The following CCNH variants were observed in gnomAD, a reference collection of about 807,000 sequenced individuals.
CCNH encodes cyclin-H.
A neutral mutation model predicts 41.9 loss-of-function variants in CCNH; 31 were observed. The observed-to-expected ratio is 0.74, with a 90% CI of 0.56 to 1.00. The LOEUF (loss-of-function observed/expected upper bound fraction) is 1.00. Among genes scored for constraint, CCNH ranks in the 50% least tolerant of loss-of-function variants. The pLI, the probability that CCNH is intolerant of heterozygous loss-of-function variation, is 0.00. For missense variants in CCNH, 362 were observed against 388.4 expected (o/e 0.93, Z 0.57); for synonymous variants, 138 against 136.1 (o/e 1.01, Z -0.10).
At chr5:87,362,834 G>T (rs1760215462) in intron 9 of CCNH, among the ~76,000 whole-genome samples, 1 of 151,302 alleles carries the variant, frequency 6.6e-6, no homozygotes, top group Non-Finnish European at 1.5e-5. Flanking sequence ...TAGAGTGTAG[G>T]TATATTAAAA....
intron 9 of CCNH, among the ~76,000 whole-genome samples, chr5:87,351,217 T>G (rs1759245936): frequency 2.6e-5 from 4 of 151,670 alleles, no homozygotes; most frequent in Admixed American, 2.6e-4. Context: ...AATAGCAAAT[T>G]TAATTCAGCA....
intron 9 of CCNH, among the ~76,000 whole-genome samples, chr5:87,365,019 T>G (rs556207971): frequency 6.6e-6 from 1 of 152,160 alleles, no homozygotes; most frequent in East Asian, 1.9e-4. Context: ...TAAATGTAGT[T>G]TATTATCGTG....
chr5:87,343,133 G>T (rs1165986283), intron 9 of CCNH, among the ~76,000 whole-genome samples: 2 of 152,078 alleles, frequency 1.3e-5, no homozygotes, highest in Non-Finnish European at 2.9e-5. Context: ...AGTGTCCTCA[G>T]TAACATCTAC....
chr5:87,318,834 C>T (rs926582323), exon 10 of CCNH: 2 of 152,212 alleles, frequency 1.3e-5, no homozygotes, highest in Non-Finnish European at 2.9e-5. Context: ...TTAACTCCTT[C>T]CAGCATTAAC....
intron 9 of CCNH, among the ~76,000 whole-genome samples, chr5:87,344,678 ATTTTTTTTT>A (rs113174684): frequency 7.6e-6 from 1 of 131,214 alleles, no homozygotes; most frequent in Non-Finnish European, 1.6e-5. Flanking sequence ...AAATGTTGTA[ATTTTTTTTT>A]TTTTTTTTTT....
Position 87,407,985 on chromosome 5 carries a change from G to A in CCNH, c.516C>T (p.Ile172=), listed in dbSNP as rs1208780187. 8.7e-6 allele frequency: 14 copies of A among 1,607,892 alleles called. No individual in the cohort carries two copies. Among genetic ancestry groups the A allele is most frequent in the Admixed American group, 3.3e-5 (2 of 59,976 alleles). ...NPYRPFEGFL[I]DLKTRYPILE... Reference sequence around the variant, plus strand: ...TTTACATCAAGTTTACCTTTAAGTCGATGAGGAAGCCCTCAAATGGTCTGT... The same window carrying A: ...TTTACATCAAGTTTACCTTTAAGTCAATGAGGAAGCCCTCAAATGGTCTGT... Residue 172 remains isoleucine (I), a synonymous_variant, in exon 4 of 9, where the codon ATC becomes ATT. Coordinates refer to ENST00000256897, the MANE Select transcript of CCNH (RefSeq NM_001239.4).
chr5:87,392,384 T>TA, downstream of CCNH: 1 of 455,116 alleles, frequency 2.2e-6, no homozygotes, highest in South Asian at 1.6e-5. Flanking sequence ...TTAACACTGA[T>TA]ACCAAAAATC....
chr5:87,336,459 T>G (rs865846232), intron 9 of CCNH, among the ~76,000 whole-genome samples: 1 of 152,136 alleles, frequency 6.6e-6, no homozygotes, highest in Non-Finnish European at 1.5e-5. Context: ...TTAAAAAGTT[T>G]ATACACACCT....
chr5:87,326,195 C>G (rs1275256234), intron 9 of CCNH, among the ~76,000 whole-genome samples: 1 of 152,162 alleles, frequency 6.6e-6, no homozygotes, highest in Non-Finnish European at 1.5e-5. Flanking sequence ...TGGTCATGAA[C>G]TCCTGGGTTC....
intron 9 of CCNH, among the ~76,000 whole-genome samples, chr5:87,324,949 A>AT (rs1018834243): frequency 1.3e-5 from 2 of 151,920 alleles, no homozygotes; most frequent in African/African-American, 2.4e-5. Flanking sequence ...TGCTTTTTTA[A>AT]TTTTTTTATT....
At chr5:87,401,844 T>C (rs2112562839) in intron 5 of CCNH, 72 bp from the exon 6 acceptor site, 2 of 922,962 alleles carry the variant, frequency 2.2e-6, no homozygotes, top group South Asian at 3.5e-5. Flanking sequence ...TCATAAATTA[T>C]TTTCCTCCAT....
At chr5:87,337,754 C>G (rs1018241373) in intron 9 of CCNH, among the ~76,000 whole-genome samples, 1 of 151,952 alleles carries the variant, frequency 6.6e-6, no homozygotes, top group Admixed American at 6.6e-5. Context: ...CTATCAAACC[C>G]ATTTTACTCA....
At chr5:87,317,844 C>T (rs1461200986), downstream of CCNH, among the ~76,000 whole-genome samples, 1 of 152,102 alleles carries the variant, frequency 6.6e-6, no homozygotes, top group African/African-American at 2.4e-5. Context: ...CCATGTTGCC[C>T]AGGCTGGTCT....
intron 7 of CCNH, among the ~76,000 whole-genome samples, chr5:87,396,233 A>G (rs1196516621): frequency 6.6e-6 from 1 of 152,216 alleles, no homozygotes; most frequent in Non-Finnish European, 1.5e-5. Flanking sequence ...GTATTAGGGC[A>G]TCTGTGGATT....
chr5:87,394,347 T>G lies in CCNH; in HGVS notation c.*99A>C. The G allele has an allele frequency of 5.4e-6, 8 of 1,478,898 alleles. No homozygotes were observed. The highest frequency in any genetic ancestry group is 7.2e-6 in the Non-Finnish European group (8 of 1,109,888). The allele number at this position is 1,478,898 out of a possible 1,614,324, so 91.6% of individuals were successfully genotyped here. On this transcript the variant is annotated 3_prime_UTR_variant, in exon 9 of 9. Transcript: ENST00000256897. ...AAAACAATAGAAAAGTTTTAATATA[T>G]TTTATGTTTTCACATTATACTTTTT...
chr5:87,322,499 C>CGGA (rs1244619036), intron 9 of CCNH, among the ~76,000 whole-genome samples: 2 of 152,118 alleles, frequency 1.3e-5, no homozygotes, highest in East Asian at 3.9e-4. Context: ...TCCCTGGTGC[C>CGGA]GGAGGTTGGG....
downstream of CCNH, chr5:87,394,109 C>CTT (rs1294649458): frequency 1.3e-5 from 4 of 306,220 alleles, no homozygotes; most frequent in Non-Finnish European, 2.0e-5. Flanking sequence ...TTCCTTAACA[C>CTT]TTTTAAAGCT....
chr5:87,333,421 GA>G, intron 9 of CCNH: 1 of 1,562,494 alleles, frequency 6.4e-7, no homozygotes, highest in Non-Finnish European at 8.7e-7. Flanking sequence ...GGAAGCTTTT[GA>G]AATTTGAAGA....
chr5:87,396,360 G>A (rs973603550), intron 7 of CCNH, among the ~76,000 whole-genome samples: 23 of 152,146 alleles, frequency 1.5e-4, no homozygotes, highest in Non-Finnish European at 3.1e-4. Flanking sequence ...AGTGGCTCAC[G>A]CCTGTAATCC....
Sources: gnomAD v4.1 joint callset for allele counts (sites outside exome capture counted in the v4.1 genomes callset) on GRCh38, gnomAD v4.1.1 for gene constraint, MANE v1.5 for transcripts, NCBI Gene and HGNC (gene_info 2026-07-23, HGNC 2026-07-21) for gene names.